AGAP1: variants seen among roughly 807,000 people sequenced by gnomAD.
The protein encoded by AGAP1 is ArfGAP with GTPase domain, ankyrin repeat and PH domain 1.
A neutral mutation model predicts 105.3 loss-of-function variants in AGAP1; 29 were observed. The observed-to-expected ratio is 0.28, with a 90% CI of 0.21 to 0.38. The LOEUF is 0.38. Ranked by LOEUF, AGAP1 falls within the 10% of genes least tolerant of loss-of-function variation. The pLI is 1.00. For missense variants in AGAP1, 998 were observed against 1,165.1 expected (o/e 0.86, Z 2.09); for synonymous variants, 509 against 485.9 (o/e 1.05, Z -0.63).
At chr2:236,019,621 G>A (rs1321500326) in intron 13 of AGAP1, among the ~76,000 whole-genome samples, 3 of 152,210 alleles carry the variant, frequency 2.0e-5, no homozygotes, top group Non-Finnish European at 4.4e-5. Context: ...TCCAGGTGGA[G>A]GCAGCAGCCT....
At chr2:236,102,960 C>G (rs952697092) in intron 16 of AGAP1, among the ~76,000 whole-genome samples, 1 of 151,850 alleles carries the variant, frequency 6.6e-6, no homozygotes. Flanking sequence ...CAAGCCCCCG[C>G]CCCACCTCTT....
At chr2:235,858,671 C>T (rs1345518042) in intron 9 of AGAP1, among the ~76,000 whole-genome samples, 5 of 152,106 alleles carry the variant, frequency 3.3e-5, no homozygotes, top group Non-Finnish European at 7.4e-5. Context: ...ATGTGTACTT[C>T]CTCTTTGTCA....
At chr2:235,634,906 C>T (rs533215968) in intron 1 of AGAP1, among the ~76,000 whole-genome samples, 1 of 152,086 alleles carries the variant, frequency 6.6e-6, no homozygotes, top group Non-Finnish European at 1.5e-5. Context: ...TGTGTTTGTT[C>T]CATGTACGAG....
Position 235,979,659 on chromosome 2 carries a change from G to C in AGAP1, c.1645+11036G>C, listed in dbSNP as rs1249668140. Among the ~76,000 whole-genome samples, 1 of 152,178 alleles carries C rather than the reference G, an allele frequency of 6.6e-6. No homozygotes were observed. The highest frequency in any genetic ancestry group is 6.5e-5 in the Admixed American group (1 of 15,282). On this transcript the variant is annotated intron_variant, in intron 13 of 17. Coordinates refer to ENST00000304032, the MANE Select transcript of AGAP1 (RefSeq NM_001037131.3). This position sits in a 1 kb window ranked among gnomAD's most constrained non-coding sequence, Gnocchi z 4.5. Reference sequence around the variant, plus strand: ...ACACACAACTTCACAAGGGCCTCTTGTGCACGTGGGACATGGAGAAAATTG... The same window carrying C: ...ACACACAACTTCACAAGGGCCTCTTCTGCACGTGGGACATGGAGAAAATTG...
chr2:236,131,239 G>C lies in AGAP1; in HGVS notation c.*7117G>C, dbSNP rs1363384584. 6.6e-6 allele frequency: 1 copy of C among 152,212 alleles called. No homozygotes were observed. Among genetic ancestry groups the C allele is most frequent in the Non-Finnish European group, 1.5e-5 (1 of 68,082 alleles). The allele number at this position is 152,212 out of a possible 1,614,324, so 9.4% of individuals were successfully genotyped here. Reference sequence around the variant, plus strand: ...AGCTCAGCCTGGAGAGGGGAGGGTCGCACGGGTCCCGGGGGCAGGTCTCCT... The same window carrying C: ...AGCTCAGCCTGGAGAGGGGAGGGTCCCACGGGTCCCGGGGGCAGGTCTCCT... On this transcript the variant is annotated 3_prime_UTR_variant, in exon 18 of 18. Coordinates refer to ENST00000304032, the MANE Select transcript of AGAP1 (RefSeq NM_001037131.3). This position sits in a 1 kb window ranked among gnomAD's most constrained non-coding sequence, Gnocchi z 5.9.
At chr2:236,017,126 T>C (rs933368993) in intron 13 of AGAP1, among the ~76,000 whole-genome samples, 3 of 150,960 alleles carry the variant, frequency 2.0e-5, no homozygotes, top group Admixed American at 2.0e-4. Flanking sequence ...CCATCTCTAC[T>C]AAAAATAAAA....
intron 1 of AGAP1, among the ~76,000 whole-genome samples, chr2:235,573,884 C>A (rs975137548): frequency 6.6e-6 from 1 of 152,220 alleles, no homozygotes; most frequent in African/African-American, 2.4e-5. Context: ...AGGCTGGAGA[C>A]CCCGTGTATT....
chr2:236,064,091 T>G (rs1265909615), intron 16 of AGAP1, among the ~76,000 whole-genome samples: 1 of 152,156 alleles, frequency 6.6e-6, no homozygotes, highest in East Asian at 1.9e-4. Context: ...GATAACTGTT[T>G]AAAATCAGAG....
chr2:235,807,364 G>T (rs771499636), intron 9 of AGAP1, 33 bp downstream of exon 9: 1 of 1,552,244 alleles, frequency 6.4e-7, no homozygotes, highest in Non-Finnish European at 8.7e-7. Context: ...CCTCCCTGTC[G>T]CCGGAGATAC....
In AGAP1 at chr2:235,962,232, C is replaced by T. The variant is rs1346089986; in HGVS notation, c.1484-6230C>T. Among the ~76,000 whole-genome samples the T allele has an allele frequency of 1.3e-5, 2 of 151,986 alleles. No individual in the cohort carries two copies. Among genetic ancestry groups the T allele is most frequent in the Non-Finnish European group, 2.9e-5 (2 of 68,008 alleles). On this transcript the variant is annotated intron_variant, in intron 12 of 17. Coordinates refer to ENST00000304032, the MANE Select transcript of AGAP1 (RefSeq NM_001037131.3). This position sits in a 1 kb window ranked among gnomAD's most constrained non-coding sequence, Gnocchi z 5.3. ...TAGGATTGAAGGGCAGGCCAGAGGC[C>T]ACTGAGGGGTACACTGACCACACAG...
In AGAP1 at chr2:235,769,134, TG is replaced by T. The variant is rs1415523286; in HGVS notation, c.673+18649del. 6.6e-6 allele frequency among the ~76,000 whole-genome samples: 1 copy of T among 152,166 alleles called. No homozygotes were observed. The highest frequency in any genetic ancestry group is 1.5e-5 in the Non-Finnish European group (1 of 68,036). On this transcript the variant is annotated intron_variant, in intron 6 of 17. Coordinates refer to ENST00000304032, the MANE Select transcript of AGAP1 (RefSeq NM_001037131.3). The surrounding 1 kb of genome is among the most constrained non-coding windows in gnomAD (Gnocchi z 4.4). ...GTTTTCCTGGGTATTTTCCCTCTTC[TG>T]GGTTCTTAGTGCCCGTCCCCCGTAG...
rs139484200 is a variant in AGAP1, at chr2:235,982,759, T to C, written c.1645+14136T>C. Among the ~76,000 whole-genome samples, 228 of 152,356 alleles carry C rather than the reference T, an allele frequency of 1.5e-3. 1 individual carries two copies. The highest frequency in any genetic ancestry group is 5.4e-3 in the African/African-American group (223 of 41,574). On this transcript the variant is annotated intron_variant, in intron 13 of 17. Coordinates refer to ENST00000304032, the MANE Select transcript of AGAP1 (RefSeq NM_001037131.3). The surrounding 1 kb of genome is among the most constrained non-coding windows in gnomAD (Gnocchi z 4.9). ...TGCCCTGAGTGGTTCCAGAATGTCATTGATGGGAAATTGGTTTTCTTTCCT... is the reference window on the plus strand; with the variant it reads ...TGCCCTGAGTGGTTCCAGAATGTCACTGATGGGAAATTGGTTTTCTTTCCT...
Position 236,000,283 on chromosome 2 carries a change from C to G in AGAP1, c.1645+31660C>G, listed in dbSNP as rs73118080. 5.3e-5 allele frequency among the ~76,000 whole-genome samples: 8 copies of G among 152,226 alleles called. No individual in the cohort carries two copies. Among genetic ancestry groups the G allele is most frequent in the African/African-American group, 1.7e-4 (7 of 41,552 alleles). Reference sequence around the variant, plus strand: ...GACTTATAATGAAGCCAGTTTTTTTCCTTATCAGCATCATAATGAAACAAC... The same window carrying G: ...GACTTATAATGAAGCCAGTTTTTTTGCTTATCAGCATCATAATGAAACAAC... On this transcript the variant is annotated intron_variant, in intron 13 of 17. Coordinates refer to ENST00000304032, the MANE Select transcript of AGAP1 (RefSeq NM_001037131.3). This position sits in a 1 kb window ranked among gnomAD's most constrained non-coding sequence, Gnocchi z 4.3.
At chr2:236,034,419 G>C (rs1430451865) in intron 13 of AGAP1, among the ~76,000 whole-genome samples, 1 of 152,012 alleles carries the variant, frequency 6.6e-6, no homozygotes, top group Non-Finnish European at 1.5e-5. Context: ...TCCACAGCAG[G>C]TGGAGTGTTT....
chr2:235,975,344 TG>T (rs1291011826), intron 13 of AGAP1, among the ~76,000 whole-genome samples: 1 of 152,080 alleles, frequency 6.6e-6, no homozygotes, highest in Admixed American at 6.5e-5. Flanking sequence ...CGTACAGTGT[TG>T]TTTTTTTTCT....
rs1051318268 is a variant in AGAP1 at position 235,692,583 on chromosome 2, C to T, written c.164-16596C>T. Among the ~76,000 whole-genome samples the T allele has an allele frequency of 6.6e-6, 1 of 152,006 alleles. No homozygotes were observed. Among genetic ancestry groups the T allele is most frequent in the Non-Finnish European group, 1.5e-5 (1 of 68,004 alleles). ...TCTCCCCCCTTGCCCTCCCCCCTTGCCTTCCTGGGCCATCCTTTTCTGACT... is the reference window on the plus strand; with the variant it reads ...TCTCCCCCCTTGCCCTCCCCCCTTGTCTTCCTGGGCCATCCTTTTCTGACT... On this transcript the variant is annotated intron_variant, in intron 1 of 17. Transcript: ENST00000304032. The surrounding 1 kb of genome is among the most constrained non-coding windows in gnomAD (Gnocchi z 5.8).
rs1262139143 is a variant in AGAP1 at position 235,611,139 on chromosome 2, C to T, written c.164-98040C>T. ...GAGGACTCTGCCCTACTGGATCCTC[C>T]ACCTCTCACTTCATTTTGCCAGTTG... On this transcript the variant is annotated intron_variant, in intron 1 of 17. Coordinates refer to ENST00000304032, the MANE Select transcript of AGAP1 (RefSeq NM_001037131.3). The surrounding 1 kb of genome is among the most constrained non-coding windows in gnomAD (Gnocchi z 5.0). 6.6e-6 allele frequency among the ~76,000 whole-genome samples: 1 copy of T among 152,174 alleles called. No individual in the cohort carries two copies. Among genetic ancestry groups the T allele is most frequent in the Non-Finnish European group, 1.5e-5 (1 of 68,044 alleles).
At chr2:235,814,041 T>G (rs73998943) in intron 9 of AGAP1, among the ~76,000 whole-genome samples, 2 of 152,076 alleles carry the variant, frequency 1.3e-5, no homozygotes, top group Non-Finnish European at 2.9e-5. Context: ...CCGGTGTGCT[T>G]CTCTCGACGC....
intron 1 of AGAP1, among the ~76,000 whole-genome samples, chr2:235,628,972 C>G (rs546802584): frequency 2.6e-5 from 4 of 151,974 alleles, no homozygotes; most frequent in Non-Finnish European, 5.9e-5. Flanking sequence ...CCACCACATC[C>G]GGCTAATTTT....
Sources: gnomAD v4.1 joint callset for allele counts (sites outside exome capture counted in the v4.1 genomes callset) on GRCh38, gnomAD v4.1.1 for gene constraint, Gnocchi (gnomAD v3.1) non-coding constraint, MANE v1.5 for transcripts, NCBI Gene and HGNC (gene_info 2026-07-23, HGNC 2026-07-21) for gene names.